Variants in BMERB1 observed in about 807,000 individuals in gnomAD.
BMERB1 encodes the protein bMERB domain containing 1, also known as bMERB domain-containing protein 1.
In BMERB1, 12 loss-of-function variants were observed where a neutral mutation model predicts 23.6. The ratio of observed to expected loss-of-function variants is 0.51; its 90% CI spans 0.33 to 0.82. The LOEUF is 0.82. BMERB1 is among the 40% of genes least tolerant of loss of function. The pLI, the probability that BMERB1 is intolerant of heterozygous loss-of-function variation, is 0.03. For missense variants in BMERB1, 247 were observed against 255.4 expected (o/e 0.97, Z 0.22); for synonymous variants, 122 against 96.6 (o/e 1.26, Z -1.54).
At chr16:15,485,445 CCAGCG>C (rs1287637003) in intron 1 of BMERB1, among the ~76,000 whole-genome samples, 1 of 152,190 alleles carries the variant, frequency 6.6e-6, no homozygotes, top group Non-Finnish European at 1.5e-5. Flanking sequence ...CTAATTATTA[CCAGCG>C]CTGAGAAACC....
intron 1 of BMERB1, among the ~76,000 whole-genome samples, chr16:15,468,737 T>C (rs550535723): frequency 2.0e-5 from 3 of 152,298 alleles, no homozygotes; most frequent in South Asian, 2.1e-4. Flanking sequence ...TATGCTTTGG[T>C]GTCAAATCTG....
intron 2 of BMERB1, among the ~76,000 whole-genome samples, chr16:15,541,419 A>G (rs1747610684): frequency 1.4e-5 from 2 of 139,886 alleles, no homozygotes; most frequent in South Asian, 4.5e-4. Flanking sequence ...TTGCCCGCCG[A>G]ATTGTTTTTT....
intron 1 of BMERB1, among the ~76,000 whole-genome samples, chr16:15,470,248 T>C (rs546582111): frequency 2.0e-3 from 308 of 152,326 alleles, no homozygotes; most frequent in Admixed American, 3.2e-3. Context: ...TGATTTTTTA[T>C]TTTTACCTTG....
chr16:15,525,559 G>C (rs1016365736), intron 2 of BMERB1, among the ~76,000 whole-genome samples: 1 of 151,952 alleles, frequency 6.6e-6, no homozygotes, highest in African/African-American at 2.4e-5. Flanking sequence ...ACAAAAATTA[G>C]CCGGCTGTGG....
chr16:15,461,543 C>A (rs1285873941), intron 1 of BMERB1, among the ~76,000 whole-genome samples: 1 of 152,070 alleles, frequency 6.6e-6, no homozygotes, highest in Non-Finnish European at 1.5e-5. Flanking sequence ...CCATTGTCCT[C>A]ATAGAATTAA....
intron 2 of BMERB1, among the ~76,000 whole-genome samples, chr16:15,525,621 C>T (rs771980293): frequency 6.6e-6 from 1 of 151,208 alleles, no homozygotes; most frequent in Non-Finnish European, 1.5e-5. Flanking sequence ...AGGAGAATCG[C>T]TTGAACTTGG....
At chr16:15,514,509 A>T (rs1165550346) in intron 1 of BMERB1, among the ~76,000 whole-genome samples, 1 of 151,968 alleles carries the variant, frequency 6.6e-6, no homozygotes, top group Non-Finnish European at 1.5e-5. Context: ...CAAAGTTCCC[A>T]GCCAGGCGTG....
intron 1 of BMERB1, among the ~76,000 whole-genome samples, chr16:15,440,479 G>A (rs961524568): frequency 6.6e-6 from 1 of 152,068 alleles, no homozygotes; most frequent in African/African-American, 2.4e-5. Context: ...AATGCAAATT[G>A]CTGGCAATCT....
At chr16:15,441,330 C>G (rs1048493426) in intron 1 of BMERB1, among the ~76,000 whole-genome samples, 1 of 151,416 alleles carries the variant, frequency 6.6e-6, no homozygotes, top group Admixed American at 6.6e-5. Context: ...TGGATTCTCC[C>G]GCCTCAGCCT....
At chr16:15,582,969 T>C (rs927720634) in intron 4 of BMERB1, among the ~76,000 whole-genome samples, 187 bp from the exon 5 acceptor site, 11 of 152,340 alleles carry the variant, frequency 7.2e-5, no homozygotes, top group South Asian at 2.1e-4. Context: ...ATCATTGATA[T>C]GTGTCTCTGG....
intron 2 of BMERB1, among the ~76,000 whole-genome samples, chr16:15,543,244 C>T (rs1328123816): frequency 1.3e-5 from 2 of 152,082 alleles, no homozygotes; most frequent in Non-Finnish European, 2.9e-5. Flanking sequence ...TTCTTCTCTT[C>T]TCTCCTTCTC....
At chr16:15,506,972 CATTTT>C (rs1334609786) in intron 1 of BMERB1, among the ~76,000 whole-genome samples, 1 of 152,170 alleles carries the variant, frequency 6.6e-6, no homozygotes, top group Non-Finnish European at 1.5e-5. Context: ...CTCTAAGCCT[CATTTT>C]ATTAATCTAG....
intron 2 of BMERB1, among the ~76,000 whole-genome samples, chr16:15,536,319 A>T (rs1204834107): frequency 2.0e-5 from 3 of 151,798 alleles, no homozygotes; most frequent in African/African-American, 4.8e-5. Context: ...CCGCCTCTGG[A>T]TGCTTGGCAG....
chr16:15,532,953 A>G (rs760771259), intron 2 of BMERB1: 12 of 453,482 alleles, frequency 2.6e-5, no homozygotes, highest in Admixed American at 7.1e-5. Context: ...ATTAAATTAC[A>G]CCTAGATTTA....
chr16:15,570,087 T>TGA (rs1201084823), intron 3 of BMERB1, among the ~76,000 whole-genome samples: 1 of 152,182 alleles, frequency 6.6e-6, no homozygotes, highest in Non-Finnish European at 1.5e-5. Flanking sequence ...TTTCTCACTG[T>TGA]TATCATTTTT....
At chr16:15,570,766 G>A (rs2030705287) in intron 3 of BMERB1, among the ~76,000 whole-genome samples, 2 of 151,120 alleles carry the variant, frequency 1.3e-5, no homozygotes, top group Admixed American at 1.3e-4. Context: ...TGCTAAACAA[G>A]GGGTAGATTA....
chr16:15,470,172 C>T (rs1258032616), intron 1 of BMERB1, among the ~76,000 whole-genome samples: 1 of 152,100 alleles, frequency 6.6e-6, no homozygotes, highest in African/African-American at 2.4e-5. Context: ...CTTTCTGAGA[C>T]TTTTTGTACT....
intron 1 of BMERB1, among the ~76,000 whole-genome samples, chr16:15,473,204 A>C (rs1246429347): frequency 3.3e-5 from 5 of 151,948 alleles, no homozygotes; most frequent in Non-Finnish European, 5.9e-5. Flanking sequence ...TTGTGGGTAC[A>C]TAAGTACCCA....
intron 1 of BMERB1, among the ~76,000 whole-genome samples, chr16:15,482,206 G>A (rs762365394): frequency 1.6e-4 from 25 of 152,122 alleles, no homozygotes; most frequent in Non-Finnish European, 2.5e-4. Context: ...GAGAGAAGAG[G>A]AAAGGAGAGC....
Sources: allele counts gnomAD v4.1 joint callset (sites outside exome capture counted in the v4.1 genomes callset), GRCh38; gene constraint gnomAD v4.1.1; transcripts MANE v1.5; gene names NCBI Gene and HGNC (gene_info 2026-07-23, HGNC 2026-07-21).